The following GMDS variants were observed in gnomAD, a reference collection of about 807,000 sequenced individuals.
The protein encoded by GMDS is GDP-mannose 4,6 dehydratase.
In GMDS, 20 loss-of-function variants were observed where a neutral mutation model predicts 49.9. The ratio of observed to expected loss-of-function variants is 0.40; its 90% CI spans 0.28 to 0.58. The LOEUF (loss-of-function observed/expected upper bound fraction) is 0.58. GMDS is among the 20% of genes least tolerant of loss of function. GMDS has a pLI of 0.42. For missense variants in GMDS, 362 were observed against 481.4 expected, an observed-to-expected ratio of 0.75 and a Z score of 2.32; for synonymous variants, 177 against 178.6, an observed-to-expected ratio of 0.99 and a Z score of 0.07.
At chr6:1,867,726 C>T (rs1758510031) in intron 7 of GMDS, among the ~76,000 whole-genome samples, 1 of 152,098 alleles carries the variant, frequency 6.6e-6, no homozygotes, top group Admixed American at 6.5e-5. Flanking sequence ...TATTCATAAG[C>T]ATGACTAAGA....
intron 4 of GMDS, among the ~76,000 whole-genome samples, chr6:1,991,097 C>T (rs967879686): frequency 2.6e-5 from 4 of 152,070 alleles, no homozygotes; most frequent in African/African-American, 9.7e-5. Flanking sequence ...TCTTATTCTC[C>T]AGCAGACTAT....
rs551507810 is a variant in GMDS, at chr6:2,177,637, C to G, written c.103-52906G>C. On this transcript the variant is annotated intron_variant, in intron 1 of 10. Transcript: ENST00000380815. ...ACACAGAAAAAGTTTTCGATAAAATCCAACATCCTTTCGTGATAAAAACCC... is the reference window on the plus strand; with the variant it reads ...ACACAGAAAAAGTTTTCGATAAAATGCAACATCCTTTCGTGATAAAAACCC... 7.2e-5 allele frequency among the ~76,000 whole-genome samples: 11 copies of G among 152,182 alleles called. 1 individual carries two copies. The South Asian group carries it at 2.3e-3, about 32-fold the overall frequency.
rs1303066764 is a variant in GMDS at position 1,836,227 on chromosome 6, T to C, written c.772-93641A>G. On this transcript the variant is annotated intron_variant, in intron 7 of 10. Coordinates refer to ENST00000380815, the MANE Select transcript of GMDS (RefSeq NM_001500.4). The surrounding 1 kb of genome is among the most constrained non-coding windows in gnomAD (Gnocchi z 4.2). ...ACTAGTATCTTGTCATGCCTGATAG[T>C]CTCTTTTAAAGTCTCTTTCCTGGTG... Among the ~76,000 whole-genome samples the C allele has an allele frequency of 6.6e-6, 1 of 152,180 alleles. No individual in the cohort carries two copies. Among genetic ancestry groups the C allele is most frequent in the Non-Finnish European group, 1.5e-5 (1 of 68,016 alleles).
In GMDS at chr6:2,234,618, TA is replaced by T. The variant is rs574504490; in HGVS notation, c.102+10702del. ...GAGCGAAACTCCGTATCAAAAAAAA[TA>T]AAAAAAATAAAATCCTAGCAAACTT... is the stretch of plus-strand genomic sequence containing the variant. On this transcript the variant is annotated intron_variant, in intron 1 of 10. Coordinates refer to ENST00000380815, the MANE Select transcript of GMDS (RefSeq NM_001500.4). 3.6e-3 allele frequency among the ~76,000 whole-genome samples: 544 copies of T among 150,206 alleles called. 6 individuals carry two copies. Among genetic ancestry groups the T allele is most frequent in the African/African-American group, 0.013 (525 of 40,840 alleles).
rs145986956 is a variant in GMDS at position 1,698,235 on chromosome 6, T to C, written c.987+28181A>G. Among the ~76,000 whole-genome samples the C allele has an allele frequency of 6.4e-3, 973 of 152,340 alleles. 12 individuals carry two copies. Among genetic ancestry groups the C allele is most frequent in the African/African-American group, 0.022 (929 of 41,576 alleles). ...AATGTATACTTTAGCTTTGTGTGTA[T>C]CTACACATATACATACACTGCAGTA... On this transcript the variant is annotated intron_variant, in intron 9 of 10. Coordinates refer to ENST00000380815, the MANE Select transcript of GMDS (RefSeq NM_001500.4).
intron 6 of GMDS, among the ~76,000 whole-genome samples, chr6:1,942,752 C>T (rs1481152152): frequency 2.6e-5 from 4 of 152,216 alleles, no homozygotes; most frequent in African/African-American, 9.6e-5. Context: ...ATCGGACGTT[C>T]CTGCCATTCC....
At chr6:2,052,423 T>C (rs1770472300) in intron 4 of GMDS, among the ~76,000 whole-genome samples, 1 of 152,212 alleles carries the variant, frequency 6.6e-6, no homozygotes, top group Non-Finnish European at 1.5e-5. Context: ...GGAAGAAGTC[T>C]GTTGGGTAAA....
Position 2,006,786 on chromosome 6 carries a change from C to T in GMDS, c.346-45820G>A, listed in dbSNP as rs1767210024. On this transcript the variant is annotated intron_variant, in intron 4 of 10. Transcript: ENST00000380815. ...TCACACAAAATTACTTCACAACATTCTGACCTTTAAATTAATTTATATGAA... is the reference window on the plus strand; with the variant it reads ...TCACACAAAATTACTTCACAACATTTTGACCTTTAAATTAATTTATATGAA... 5.9e-5 allele frequency among the ~76,000 whole-genome samples: 9 copies of T among 152,040 alleles called. No individual in the cohort carries two copies. The South Asian group carries it at 1.9e-3, about 31-fold the overall frequency.
intron 1 of GMDS, among the ~76,000 whole-genome samples, chr6:2,209,606 TTCTCTCTCTC>T (rs143707347): frequency 1.7e-5 from 2 of 120,930 alleles, no homozygotes; most frequent in African/African-American, 3.2e-5. Flanking sequence ...CACACACACG[TTCTCTCTCTC>T]TCTCTCTCTC....
intron 4 of GMDS, among the ~76,000 whole-genome samples, chr6:1,999,270 C>T (rs1480149566): frequency 4.1e-5 from 6 of 146,228 alleles, no homozygotes; most frequent in Admixed American, 2.1e-4. Context: ...TGCAGTGAGC[C>T]GAGACTGCAC....
In GMDS at chr6:1,978,464, C is replaced by A. The variant is rs546594199; in HGVS notation, c.346-17498G>T. Among the ~76,000 whole-genome samples the A allele has an allele frequency of 8.5e-5, 13 of 152,280 alleles. No homozygotes were observed. In the South Asian group the frequency reaches 1.0e-3, roughly 12 times the overall value. ...GACTGAGGCAAAGGGGGTTCCCCAC[C>A]ATGAAGGCTGTTTTGTAGAGGTGTG... is the stretch of plus-strand genomic sequence containing the variant. On this transcript the variant is annotated intron_variant, in intron 4 of 10. Coordinates refer to ENST00000380815, the MANE Select transcript of GMDS (RefSeq NM_001500.4).
intron 1 of GMDS, among the ~76,000 whole-genome samples, chr6:2,209,062 T>G (rs533474095): frequency 6.6e-6 from 1 of 152,274 alleles, no homozygotes; most frequent in African/African-American, 2.4e-5. Flanking sequence ...AGCACATGGT[T>G]AAGTGTTCAG....
intron 9 of GMDS, among the ~76,000 whole-genome samples, chr6:1,706,166 G>A (rs1015528217): frequency 6.6e-6 from 1 of 152,172 alleles, no homozygotes; most frequent in Admixed American, 6.5e-5. Context: ...GGGTTGTTAT[G>A]GTTTTGTATA....
intron 4 of GMDS, among the ~76,000 whole-genome samples, chr6:2,107,140 T>A (rs1272868513): frequency 6.6e-6 from 1 of 152,240 alleles, no homozygotes; most frequent in Non-Finnish European, 1.5e-5. Flanking sequence ...TAATTAATTA[T>A]GAGCAAAATT....
At chr6:2,110,405 G>A (rs1774481121) in intron 4 of GMDS, among the ~76,000 whole-genome samples, 1 of 152,088 alleles carries the variant, frequency 6.6e-6, no homozygotes, top group Admixed American at 6.5e-5. Context: ...CCCTTTCCCA[G>A]GGGCCACAGA....
chr6:2,052,453 A>T (rs1241520595), intron 4 of GMDS, among the ~76,000 whole-genome samples: 2 of 152,236 alleles, frequency 1.3e-5, no homozygotes, highest in African/African-American at 4.8e-5. Context: ...AAACCTCCAC[A>T]CAGCAAGGTG....
chr6:1,683,227 C>G (rs1274275816), intron 9 of GMDS, among the ~76,000 whole-genome samples: 1 of 152,086 alleles, frequency 6.6e-6, no homozygotes, highest in Non-Finnish European at 1.5e-5. Flanking sequence ...GGGTTCACAC[C>G]ATTCTCCTGC....
chr6:2,075,604 A>G (rs1015451786), intron 4 of GMDS, among the ~76,000 whole-genome samples: 10 of 152,170 alleles, frequency 6.6e-5, no homozygotes, highest in African/African-American at 1.7e-4. Context: ...TTTTATGGCT[A>G]CATAGTTTTC....
At chr6:2,079,280 A>G in intron 4 of GMDS, among the ~76,000 whole-genome samples, 1 of 151,826 alleles carries the variant, frequency 6.6e-6, no homozygotes, top group Non-Finnish European at 1.5e-5. Context: ...ATTCAAGATT[A>G]TTATTAACAT....
Sources: allele counts gnomAD v4.1 joint callset (sites outside exome capture counted in the v4.1 genomes callset), GRCh38; gene constraint gnomAD v4.1.1; non-coding constraint Gnocchi (gnomAD v3.1); transcripts MANE v1.5; gene names NCBI Gene and HGNC (gene_info 2026-07-23, HGNC 2026-07-21).